Variants in AMZ1 observed in about 807,000 individuals in gnomAD.
The protein encoded by AMZ1 is archaelysin family metallopeptidase 1.
In AMZ1, 39 loss-of-function variants were observed where a neutral mutation model predicts 29.9. That is an observed-to-expected ratio of 1.30 (90% CI 1.01 to 1.70). The LOEUF (loss-of-function observed/expected upper bound fraction) is 1.70, where lower values mean the gene tolerates loss of function less well. Among genes scored for constraint, AMZ1 ranks in the 40% most tolerant of loss-of-function variants. The pLI is 0.00. For missense variants in AMZ1, 1,041 were observed against 680.6 expected (o/e 1.53, Z -5.89); for synonymous variants, 458 against 304.0 (o/e 1.51, Z -5.27).
rs541156771 is a variant in AMZ1, at chr7:2,734,925, G to A, written n.550+25109G>A. Among the ~76,000 whole-genome samples the A allele has an allele frequency of 3.9e-5, 6 of 152,228 alleles. No individual in the cohort carries two copies. In the South Asian group the frequency reaches 6.2e-4, roughly 16 times the overall value. ...CAGGGTGAACGTACCCCAAGGGCCC[G>A]GCACGACTGACCTCTCGTGCCTGCT... On this transcript the variant is annotated intron_variant and non_coding_transcript_variant, in intron 4 of 4. Coordinates refer to the AMZ1 transcript ENST00000489665.
At chr7:2,695,552 C>CA (rs544282792) in intron 1 of AMZ1, among the ~76,000 whole-genome samples, 6,418 of 104,782 alleles carry the variant, frequency 0.061, 403 homozygotes, top group African/African-American at 0.19. Context: ...CTCTTCTCTA[C>CA]AAAAAAAAAA....
Position 2,718,399 on chromosome 7 carries a change from C to G in AMZ1, c.*5521C>G, listed in dbSNP as rs898096755. Reference sequence around the variant, plus strand: ...CTTTCTCGAGTCCAAGACCATCTCCCGTTCAAGGGCCCTCACCGCGCTTTG... The same window carrying G: ...CTTTCTCGAGTCCAAGACCATCTCCGGTTCAAGGGCCCTCACCGCGCTTTG... On this transcript the variant is annotated 3_prime_UTR_variant, in exon 7 of 7. Coordinates refer to ENST00000683327, the MANE Select transcript of AMZ1 (RefSeq NM_001384743.1). Among the ~76,000 whole-genome samples, 1 of 152,204 alleles carries G rather than the reference C, an allele frequency of 6.6e-6. No individual in the cohort carries two copies. The highest frequency in any genetic ancestry group is 2.4e-5 in the African/African-American group (1 of 41,446).
intron 4 of AMZ1, among the ~76,000 whole-genome samples, chr7:2,758,188 G>C (rs1458133974): frequency 1.3e-5 from 2 of 152,074 alleles, no homozygotes; most frequent in African/African-American, 4.8e-5. Context: ...CCCAACTATC[G>C]ATGCTTACAG....
intron 4 of AMZ1, among the ~76,000 whole-genome samples, chr7:2,755,692 AT>A (rs1356507333): frequency 5.9e-5 from 9 of 152,138 alleles, no homozygotes; most frequent in Non-Finnish European, 1.2e-4. Flanking sequence ...GAACAGTCAT[AT>A]TTCTTTTTCT....
At chr7:2,710,835 T>C (rs1788727597) in intron 6 of AMZ1, among the ~76,000 whole-genome samples, 1 of 152,208 alleles carries the variant, frequency 6.6e-6, no homozygotes, top group African/African-American at 2.4e-5. Flanking sequence ...GGTGGCGTGA[T>C]GGCTGGTCAG....
chr7:2,680,110 G>C (rs1191380493), intron 1 of AMZ1, among the ~76,000 whole-genome samples: 1 of 152,202 alleles, frequency 6.6e-6, no homozygotes, highest in Non-Finnish European at 1.5e-5. Flanking sequence ...GCCGGCCTGG[G>C]TGGGGCGGGC....
chr7:2,722,127 G>A (rs1789450094), downstream of AMZ1, among the ~76,000 whole-genome samples: 1 of 152,200 alleles, frequency 6.6e-6, no homozygotes, highest in African/African-American at 2.4e-5. Context: ...CTCCTGCTGC[G>A]TGGGCTGGGG....
chr7:2,738,919 G>A lies in AMZ1; in HGVS notation n.551-25793G>A, dbSNP rs1452950459. On this transcript the variant is annotated intron_variant and non_coding_transcript_variant, in intron 4 of 4. Coordinates refer to the AMZ1 transcript ENST00000489665. ...GGCCACGCTTTGGCCCCCTTGCCCTGTGTGTAGCCTCGTGGCTGTGCCTGT... is the reference window on the plus strand; with the variant it reads ...GGCCACGCTTTGGCCCCCTTGCCCTATGTGTAGCCTCGTGGCTGTGCCTGT... Among the ~76,000 whole-genome samples, 3 of 152,196 alleles carry A rather than the reference G, an allele frequency of 2.0e-5. No individual in the cohort carries two copies. In the South Asian group the frequency reaches 6.2e-4, roughly 31 times the overall value.
chr7:2,745,343 G>C (rs891830830), intron 4 of AMZ1, among the ~76,000 whole-genome samples: 1 of 152,248 alleles, frequency 6.6e-6, no homozygotes, highest in Non-Finnish European at 1.5e-5. Context: ...CTGCAAGCCA[G>C]AAGAGAGTGG....
In AMZ1 at chr7:2,702,807, G is replaced by C; in HGVS notation, c.390G>C (p.Lys130Asn). 1 of 1,551,070 alleles carries C rather than the reference G, an allele frequency of 6.4e-7. No individual in the cohort carries two copies. Among genetic ancestry groups the C allele is most frequent in the South Asian group, 1.2e-5 (1 of 84,398 alleles). The part of the protein sequence containing the change: ...TEAFFLGLRV[K>N]CLPSVAAASI... ...CCTTCTTCCTGGGCCTGCGCGTCAAGTGCCTGCCGTCGGTGGCAGCCGCGT... is the reference window on the plus strand; with the variant it reads ...CCTTCTTCCTGGGCCTGCGCGTCAACTGCCTGCCGTCGGTGGCAGCCGCGT... Residue 130 changes from lysine (K) to asparagine (N), a missense_variant, in exon 3 of 7, where the codon AAG (lysine) becomes AAC (asparagine). Physicochemically the swap from Lys to Asn is moderately conservative, Grantham distance 94. Coordinates refer to ENST00000683327, the MANE Select transcript of AMZ1 (RefSeq NM_001384743.1).
At chr7:2,733,122 A>C (rs1039515608) in intron 4 of AMZ1, among the ~76,000 whole-genome samples, 1 of 152,196 alleles carries the variant, frequency 6.6e-6, no homozygotes, top group African/African-American at 2.4e-5. Flanking sequence ...AATCAGTGAT[A>C]ACTGCCATGC....
chr7:2,740,669 G>C (rs1406730321), intron 4 of AMZ1, among the ~76,000 whole-genome samples: 1 of 152,318 alleles, frequency 6.6e-6, no homozygotes, highest in Admixed American at 6.5e-5. Flanking sequence ...TGGGCAATGG[G>C]TTTATGAGTA....
At chr7:2,710,975 C>G (rs1348696633) in intron 6 of AMZ1, among the ~76,000 whole-genome samples, 1 of 152,222 alleles carries the variant, frequency 6.6e-6, no homozygotes, top group Non-Finnish European at 1.5e-5. Flanking sequence ...TGAGAGCTCT[C>G]ATTTGATGCC....
At chr7:2,712,060 A>G (rs1788817330) in intron 6 of AMZ1, among the ~76,000 whole-genome samples, 1 of 151,994 alleles carries the variant, frequency 6.6e-6, no homozygotes, top group Non-Finnish European at 1.5e-5. Context: ...AAAATCGAAA[A>G]ATGTTAAGTG....
intron 4 of AMZ1, chr7:2,728,082 G>A (rs1007010910): frequency 3.3e-4 from 50 of 151,800 alleles, no homozygotes; most frequent in African/African-American, 1.1e-3. Context: ...TCAATTTAGT[G>A]TTGGTTTTGA....
rs1263338754 is a variant in AMZ1 at position 2,718,529 on chromosome 7, C to T, written c.*5651C>T. ...CTTGGACGCTGGTGGCAGCCGCGGG[C>T]GCCCACTCACCTGGCACGTGGACGA... On this transcript the variant is annotated 3_prime_UTR_variant, in exon 7 of 7. Transcript: ENST00000683327. Among the ~76,000 whole-genome samples, 2 of 152,178 alleles carry T rather than the reference C, an allele frequency of 1.3e-5. No individual in the cohort carries two copies. Among genetic ancestry groups the T allele is most frequent in the African/African-American group, 2.4e-5 (1 of 41,452 alleles).
upstream of AMZ1, among the ~76,000 whole-genome samples, chr7:2,684,651 C>T (rs1475878783): frequency 1.3e-5 from 2 of 152,088 alleles, no homozygotes; most frequent in Non-Finnish European, 2.9e-5. Context: ...ACCAGCGTGT[C>T]CCGGGTGCAG....
At chr7:2,707,629 G>C (rs904280959) in intron 3 of AMZ1, among the ~76,000 whole-genome samples, 3 of 152,016 alleles carry the variant, frequency 2.0e-5, no homozygotes, top group African/African-American at 7.3e-5. Flanking sequence ...TGTGGGTCAG[G>C]AGCGCCCCCA....
At chr7:2,759,575 C>T (rs774533393) in intron 4 of AMZ1, among the ~76,000 whole-genome samples, 29 of 152,130 alleles carry the variant, frequency 1.9e-4, no homozygotes, top group Non-Finnish European at 3.4e-4. Context: ...GCTGGGGTGG[C>T]GGTAGTGGCT....
Sources: gnomAD v4.1 joint callset for allele counts (sites outside exome capture counted in the v4.1 genomes callset) on GRCh38, gnomAD v4.1.1 for gene constraint, MANE v1.5 for transcripts, NCBI Gene and HGNC (gene_info 2026-07-23, HGNC 2026-07-21) for gene names.